Variants in EXOC5 observed in about 807,000 individuals in gnomAD.
EXOC5 encodes the protein exocyst complex component 5, also known as SEC10-like 1.
Under a neutral mutation model 90.8 loss-of-function variants are expected in EXOC5, and 17 were observed. That is an observed-to-expected ratio of 0.19 (90% confidence interval 0.13 to 0.28). The LOEUF (loss-of-function observed/expected upper bound fraction) is 0.28, where lower values mean the gene tolerates loss of function less well. Among genes scored for constraint, EXOC5 ranks in the 10% least tolerant of loss-of-function variants. EXOC5 has a pLI of 1.00. For synonymous variants in EXOC5, 260 were observed against 270.0 expected (o/e 0.96, Z 0.36); for missense variants, 569 against 830.6 (o/e 0.69, Z 3.87).
At chr14:57,227,945 TACACACACACAC>T (rs60100460) in intron 12 of EXOC5, among the ~76,000 whole-genome samples, 136 of 146,028 alleles carry the variant, frequency 9.3e-4, no homozygotes, top group African/African-American at 3.1e-3. Context: ...CATATATATA[TACACACACACAC>T]ACACACACAC....
chr14:57,264,216 G>T (rs1338935150), intron 1 of EXOC5, among the ~76,000 whole-genome samples: 2 of 152,102 alleles, frequency 1.3e-5, no homozygotes, highest in Admixed American at 1.3e-4. Context: ...AACTAATATG[G>T]TTAAAATAAA....
chr14:57,237,453 G>A (rs1417272436), intron 5 of EXOC5, 87 bp from the exon 6 acceptor site: 4 of 793,652 alleles, frequency 5.0e-6, no homozygotes, highest in Admixed American at 2.5e-5. Context: ...GGGAAACTGG[G>A]TGCAGGAGAT....
intron 15 of EXOC5, among the ~76,000 whole-genome samples, chr14:57,211,430 G>C (rs914172486): frequency 7.7e-6 from 1 of 129,538 alleles, no homozygotes; most frequent in African/African-American, 5.0e-5. Flanking sequence ...AATCTTCAAA[G>C]TCACCACCTT....
intron 12 of EXOC5, among the ~76,000 whole-genome samples, chr14:57,226,573 G>A (rs1883314909): frequency 6.6e-6 from 1 of 152,036 alleles, no homozygotes; most frequent in Non-Finnish European, 1.5e-5. Context: ...GAGGACTTAG[G>A]ACTTACACTA....
chr14:57,218,150 AC>A (rs1883026462), intron 14 of EXOC5, 82 bp from the exon 15 acceptor site: 1 of 631,404 alleles, frequency 1.6e-6, no homozygotes, highest in African/African-American at 1.9e-5. Context: ...TATGTGTATT[AC>A]ATTATATACA....
chr14:57,256,341 A>C (rs1884348716), intron 1 of EXOC5, among the ~76,000 whole-genome samples: 2 of 152,188 alleles, frequency 1.3e-5, no homozygotes, highest in Admixed American at 1.3e-4. Context: ...TAAAAAGGGT[A>C]TTATAACCAG....
intron 12 of EXOC5, among the ~76,000 whole-genome samples, chr14:57,227,434 G>A (rs1034934809): frequency 6.6e-6 from 1 of 151,994 alleles, no homozygotes; most frequent in African/African-American, 2.4e-5. Context: ...CTTTTTCATG[G>A]ACACTGAGAG....
In EXOC5 at chr14:57,200,843, T is replaced by C. The variant is rs1386688114; in HGVS notation, c.*7766A>G. The stretch of plus-strand genomic sequence containing the variant: ...ATTTTTAAATTTAATATTTTAAAAT[T>C]TTTACAGGATTTCTGCAATGACCAT... On this transcript the variant is annotated 3_prime_UTR_variant, in exon 18 of 18. Transcript: ENST00000621441. 1 of 152,092 alleles carries C rather than the reference T, an allele frequency of 6.6e-6. No individual in the cohort carries two copies. Among genetic ancestry groups the C allele is most frequent in the Non-Finnish European group, 1.5e-5 (1 of 68,034 alleles). 9.4% of individuals were successfully genotyped at this position (152,092 alleles called of 1,614,324 possible).
chr14:57,232,027 T>C (rs1883503213), intron 10 of EXOC5: 1 of 239,446 alleles, frequency 4.2e-6, no homozygotes, highest in Non-Finnish European at 8.2e-6. Context: ...ATGCCATTCA[T>C]CACATGGGAC....
At chr14:57,239,785 T>C (rs1883800549) in intron 4 of EXOC5, 126 bp from the exon 5 acceptor site, 2 of 562,244 alleles carry the variant, frequency 3.6e-6, no homozygotes, top group Non-Finnish European at 6.2e-6. Flanking sequence ...AAAAATTTCC[T>C]TTAAAAATCC....
At chr14:57,225,589 CAA>C (rs34662135) in intron 12 of EXOC5, among the ~76,000 whole-genome samples, 35,018 of 102,688 alleles carry the variant, frequency 0.34, 9,994 homozygotes, top group African/African-American at 0.73. Flanking sequence ...GTGGAATCTA[CAA>C]AAAAAAAAAA....
intron 1 of EXOC5, among the ~76,000 whole-genome samples, chr14:57,262,879 G>C (rs912508477): frequency 6.6e-6 from 1 of 151,840 alleles, no homozygotes; most frequent in Non-Finnish European, 1.5e-5. Flanking sequence ...TAACTCCTCA[G>C]TAATCAAATT....
chr14:57,234,172 A>C (rs1375859176), intron 7 of EXOC5, 140 bp from the exon 8 acceptor site: 1 of 605,490 alleles, frequency 1.7e-6, no homozygotes, highest in African/African-American at 1.9e-5. Context: ...ACTTAAATAA[A>C]ATTAACTGCA....
chr14:57,256,309 G>C (rs1884348265), intron 1 of EXOC5, among the ~76,000 whole-genome samples: 1 of 152,106 alleles, frequency 6.6e-6, no homozygotes, highest in Admixed American at 6.6e-5. Flanking sequence ...AAAATGTATG[G>C]ACAAGTGTTA....
intron 13 of EXOC5, among the ~76,000 whole-genome samples, chr14:57,220,060 G>A (rs1416981451): frequency 6.6e-6 from 1 of 152,010 alleles, no homozygotes; most frequent in East Asian, 1.9e-4. Flanking sequence ...AGATGTTTAT[G>A]TTTCTAGCTA....
chr14:57,246,386 A>G (rs544094609), intron 3 of EXOC5, among the ~76,000 whole-genome samples: 1 of 152,320 alleles, frequency 6.6e-6, no homozygotes, highest in East Asian at 1.9e-4. Flanking sequence ...ATCCAAGCTA[A>G]TAAAGAGTTC....
At chr14:57,238,223 TACACACAC>T (rs61373267) in intron 5 of EXOC5, among the ~76,000 whole-genome samples, 33 of 125,158 alleles carry the variant, frequency 2.6e-4, no homozygotes, top group African/African-American at 5.5e-4. Flanking sequence ...CACATATATA[TACACACAC>T]ACACACACAC....
chr14:57,215,653 T>G (rs1287863338), intron 15 of EXOC5, among the ~76,000 whole-genome samples: 1 of 151,662 alleles, frequency 6.6e-6, no homozygotes, highest in African/African-American at 2.4e-5. Context: ...CAAATTAGGT[T>G]TGAAGGAATA....
At chr14:57,220,103 T>C (rs1444748722) in intron 13 of EXOC5, among the ~76,000 whole-genome samples, 1 of 152,122 alleles carries the variant, frequency 6.6e-6, no homozygotes, top group Non-Finnish European at 1.5e-5. Flanking sequence ...AAAGAAAATA[T>C]GCATAGCTAA....
Sources: gnomAD v4.1 joint callset for allele counts (sites outside exome capture counted in the v4.1 genomes callset) on GRCh38, gnomAD v4.1.1 for gene constraint, MANE v1.5 for transcripts, NCBI Gene and HGNC (gene_info 2026-07-23, HGNC 2026-07-21) for gene names.